The following MDN1 variants were observed in gnomAD, a reference collection of about 807,000 sequenced individuals.
MDN1 encodes midasin.
In MDN1, 266 loss-of-function variants were observed where a neutral mutation model predicts 669.2. The ratio of observed to expected loss-of-function variants is 0.40; its 90% CI spans 0.36 to 0.44. The LOEUF is 0.44. Among genes scored for constraint, MDN1 ranks in the 20% least tolerant of loss-of-function variants. The pLI, the probability that MDN1 is intolerant of heterozygous loss-of-function variation, is 1.00. For synonymous variants in MDN1, 2,385 were observed against 2,457.1 expected, an observed-to-expected ratio of 0.97 and a Z score of 0.87; for missense variants, 5,940 against 6,754.0, an observed-to-expected ratio of 0.88 and a Z score of 4.22.
intron 2 of MDN1, among the ~76,000 whole-genome samples, chr6:89,797,076 A>C (rs1442667943): frequency 2.1e-5 from 3 of 145,884 alleles, no homozygotes; most frequent in Admixed American, 1.4e-4. Flanking sequence ...CTCAACAACA[A>C]CACAAAAATT....
At chr6:89,794,896 T>C (rs1366233282) in intron 2 of MDN1, 95 bp from the exon 3 acceptor site, 1 of 978,946 alleles carries the variant, frequency 1.0e-6, no homozygotes, top group Non-Finnish European at 1.5e-6. Context: ...TTAAATGCAT[T>C]TTCAACTTAA....
At position 89,727,910 on chromosome 6, in the gene MDN1, T is replaced by G; in HGVS notation, c.5395A>C (p.Lys1799Gln). ...TCACGCCAGGCAAACTCTCCTCCCT[T>G]GCCACCTTCAACAGGTAGATCTGCT... ...FGADLPVEGG[K>Q]GGEFAWRDGP... Residue 1799 changes from lysine to glutamine, a missense_variant, in exon 37 of 102, where the codon AAG becomes CAG. This residue lies in a region of MDN1 where 2,292 missense variants were observed against 2,638.3 expected (regional missense o/e 0.87). Coordinates refer to ENST00000369393, the MANE Select transcript of MDN1 (RefSeq NM_014611.3). 6.2e-7 allele frequency: 1 copy of G among 1,614,040 alleles called. No individual in the cohort carries two copies. The highest frequency in any genetic ancestry group is 8.5e-7 in the Non-Finnish European group (1 of 1,179,942).
At position 89,672,634 on chromosome 6, in the gene MDN1, T is replaced by C. The variant is rs1449627383; in HGVS notation, c.13543A>G (p.Ile4515Val). ...SEQMEIAIRA[I>V]LCAIQNLEER... is the part of the protein sequence containing the mutation. ...TCTAAGTTCTGGATGGCACAGAGGA[T>C]GGCTCGGATGGCAATTTCCATTTGC... Residue 4515 changes from isoleucine (I) to valine (V), a missense_variant, in exon 81 of 102, where the codon ATC (isoleucine) becomes GTC (valine). Around this residue, in one of 5 missense-constraint regions of MDN1, gnomAD observed 2,280 missense variants for 2,576.3 expected, o/e 0.88. Coordinates refer to ENST00000369393, the MANE Select transcript of MDN1 (RefSeq NM_014611.3). 2 of 1,614,084 alleles carry C rather than the reference T, an allele frequency of 1.2e-6. No individual in the cohort carries two copies. The highest frequency in any genetic ancestry group is 1.7e-6 in the Non-Finnish European group (2 of 1,180,046).
intron 1 of MDN1, among the ~76,000 whole-genome samples, chr6:89,818,043 C>T (rs149714748): frequency 6.6e-6 from 1 of 152,206 alleles, no homozygotes; most frequent in Admixed American, 6.5e-5. Context: ...CAGGGCAGGG[C>T]GCTGTGGCTC....
At chr6:89,753,048 C>T (rs1017992366) in intron 22 of MDN1, among the ~76,000 whole-genome samples, 2 of 151,628 alleles carry the variant, frequency 1.3e-5, no homozygotes, top group Non-Finnish European at 1.5e-5. Context: ...ACTTCAGCCA[C>T]GGAAGGGGAG....
At chr6:89,690,916 T>A (rs890323659) in intron 63 of MDN1, 82 bp from the exon 64 acceptor site, 13 of 1,479,476 alleles carry the variant, frequency 8.8e-6, no homozygotes, top group Non-Finnish European at 1.2e-5. Context: ...TAATTTCTCA[T>A]GAAAATGAAA....
chr6:89,658,573 T>A lies in MDN1; in HGVS notation c.15021+37A>T, dbSNP rs1251906100. 5.7e-6 allele frequency: 9 copies of A among 1,576,576 alleles called. No homozygotes were observed. The Admixed American group carries it at 1.3e-4, about 22-fold the overall frequency. ...ATAAGGTGACTTCTCCTCTTCCTCA[T>A]TATTTTTAACATAAAAAGCCAGACA... On this transcript the variant is annotated intron_variant, in intron 89 of 101. Coordinates refer to ENST00000369393, the MANE Select transcript of MDN1 (RefSeq NM_014611.3).
intron 51 of MDN1, among the ~76,000 whole-genome samples, chr6:89,708,007 C>T (rs940254887): frequency 2.0e-5 from 3 of 151,992 alleles, no homozygotes; most frequent in African/African-American, 7.2e-5. Flanking sequence ...TGCTGGGAAT[C>T]AAACAAAAAC....
chr6:89,668,585 C>A (rs376637333), intron 83 of MDN1, among the ~76,000 whole-genome samples: 8 of 152,170 alleles, frequency 5.3e-5, no homozygotes, highest in Admixed American at 3.3e-4. Context: ...GAATACTAGC[C>A]TGCTGAGCAG....
At chr6:89,794,512 C>G in intron 3 of MDN1, 65 bp downstream of exon 3, 1 of 1,465,960 alleles carries the variant, frequency 6.8e-7, no homozygotes, top group Non-Finnish European at 9.5e-7. Flanking sequence ...CTGACACACA[C>G]AACTCCACAC....
intron 9 of MDN1, among the ~76,000 whole-genome samples, chr6:89,783,819 C>T (rs937320078): frequency 1.9e-4 from 29 of 152,078 alleles, no homozygotes; most frequent in African/African-American, 6.7e-4. Context: ...ATAGAAAGAA[C>T]CTATGTTGTA....
In MDN1 at chr6:89,803,375, T is replaced by C. The variant is rs1420365638; in HGVS notation, c.282A>G (p.Leu94=). ...GQINHDLHER[L]CVSMSKLIGN... is the part of the protein sequence containing the mutation. ...CAATGAGTTTGCTCATCGACACACA[T>C]AGCCGTTCATGCAGATCATGGTTGA... Residue 94 remains leucine, a synonymous_variant, in exon 2 of 102, where the codon CTA becomes CTG. Transcript: ENST00000369393. 8 of 1,614,004 alleles carry C rather than the reference T, an allele frequency of 5.0e-6. No individual in the cohort carries two copies. Among genetic ancestry groups the C allele is most frequent in the African/African-American group, 2.7e-5 (2 of 74,908 alleles).
In MDN1 at chr6:89,772,568, A is replaced by T; in HGVS notation, c.2083+5T>A. ...GGGGGCAGATTTATTTCCTCTAGGG[A>T]TTACCTGTAATGTGAGCCAAGTATT... On this transcript the variant is annotated splice_donor_5th_base_variant and intron_variant, in intron 14 of 101. Coordinates refer to ENST00000369393, the MANE Select transcript of MDN1 (RefSeq NM_014611.3). 6.2e-7 allele frequency: 1 copy of T among 1,612,768 alleles called. No individual in the cohort carries two copies. The highest frequency in any genetic ancestry group is 1.1e-5 in the South Asian group (1 of 90,934).
At position 89,803,397 on chromosome 6, in the gene MDN1, T is replaced by C; in HGVS notation, c.260A>G (p.Asn87Ser). The C allele has an allele frequency of 6.2e-7, 1 of 1,614,130 alleles. No individual in the cohort carries two copies. ...ACATAGCCGTTCATGCAGATCATGG[T>C]TGATTTGGCCTCCAGCTTTAATGGC... ...AEAIKAGGQI[N>S]HDLHERLCVS... Residue 87 changes from asparagine to serine, a missense_variant, in exon 2 of 102, where the codon AAC becomes AGC. Coordinates refer to ENST00000369393, the MANE Select transcript of MDN1 (RefSeq NM_014611.3).
At chr6:89,686,868 C>CT in intron 69 of MDN1, 34 bp downstream of exon 69, 1 of 1,611,182 alleles carries the variant, frequency 6.2e-7, no homozygotes, top group Non-Finnish European at 8.5e-7. Context: ...CCGGGAAGCT[C>CT]TAAGTGGGCA....
At chr6:89,720,343 T>C (rs1814729748) in intron 40 of MDN1, among the ~76,000 whole-genome samples, 1 of 148,744 alleles carries the variant, frequency 6.7e-6, no homozygotes, top group Admixed American at 6.8e-5. Flanking sequence ...CAGGTTGCAG[T>C]GAGCCAAGAT....
At chr6:89,706,262 T>G (rs1813506173) in intron 52 of MDN1, 70 bp from the exon 53 acceptor site, 3 of 1,466,068 alleles carry the variant, frequency 2.0e-6, no homozygotes, top group Admixed American at 4.2e-5. Context: ...ATTTTCAAAA[T>G]AAACTGTAAT....
chr6:89,696,258 C>A, intron 60 of MDN1, 102 bp downstream of exon 60: 2 of 1,269,220 alleles, frequency 1.6e-6, no homozygotes, highest in East Asian at 2.5e-5. Context: ...ACTTCAAACA[C>A]CAGAACTAGC....
At chr6:89,729,877 G>T (rs750887067) in intron 35 of MDN1, among the ~76,000 whole-genome samples, 1 of 152,038 alleles carries the variant, frequency 6.6e-6, no homozygotes. Context: ...GCCCATCAGG[G>T]ATGAAGAGAG....
Sources: allele counts gnomAD v4.1 joint callset (sites outside exome capture counted in the v4.1 genomes callset), GRCh38; gene constraint gnomAD v4.1.1; regional missense constraint gnomAD v4.1.1; transcripts MANE v1.5; gene names NCBI Gene and HGNC (gene_info 2026-07-23, HGNC 2026-07-21).